Variants in WDR27 observed in about 807,000 individuals in gnomAD.
The protein encoded by WDR27 is WD repeat domain 27.
In WDR27, 100 loss-of-function variants were observed where a neutral mutation model predicts 114.4. The ratio of observed to expected loss-of-function variants is 0.87; its 90% CI spans 0.74 to 1.03. The LOEUF is 1.03. WDR27 is among the 50% of genes least tolerant of loss of function. The pLI, the probability that WDR27 is intolerant of heterozygous loss-of-function variation, is 0.00. For missense variants in WDR27, 1,129 were observed against 1,092.9 expected (o/e 1.03, Z -0.47); for synonymous variants, 449 against 423.1 (o/e 1.06, Z -0.75).
At chr6:169,621,114 T>C (rs1562718521) in intron 21 of WDR27, among the ~76,000 whole-genome samples, 2 of 152,196 alleles carry the variant, frequency 1.3e-5, no homozygotes, top group South Asian at 4.1e-4. Context: ...AATGAATTAA[T>C]TAATAGGCAC....
chr6:169,451,858 C>T, the WDR27 span, among the ~76,000 whole-genome samples: 1 of 152,132 alleles, frequency 6.6e-6, no homozygotes, highest in Non-Finnish European at 1.5e-5. Flanking sequence ...ATATTTTGCT[C>T]ATTTTTTATT....
At chr6:169,634,787 G>A (rs941433128) in intron 19 of WDR27, among the ~76,000 whole-genome samples, 5 of 152,156 alleles carry the variant, frequency 3.3e-5, no homozygotes, top group East Asian at 3.9e-4. Context: ...TCTTCAGCCT[G>A]TAATCAAATG....
At chr6:169,677,436 T>C (rs1202929913) in intron 2 of WDR27, among the ~76,000 whole-genome samples, 1 of 152,216 alleles carries the variant, frequency 6.6e-6, no homozygotes, top group Admixed American at 6.5e-5. Flanking sequence ...CCTGGATGCT[T>C]CTAACAACAT....
rs956136378 is a variant in WDR27, at chr6:169,651,943, C to T, written c.1468G>A (p.Ala490Thr). The change falls in exon 14 of 26, where the codon GCG becomes ACG. Residue 490 changes from alanine to threonine, a missense_variant. Physicochemically the swap from Ala to Thr is moderately conservative, Grantham distance 58. Coordinates refer to ENST00000448612, the MANE Select transcript of WDR27 (RefSeq NM_182552.5). Reference protein sequence around the residue: ...FHSKVRSSGYASAPHVTMFSP... With the variant: ...FHSKVRSSGYTSAPHVTMFSP... ...GAGTTCACTCACTGTGGTGCTGACGCATAACCAGATGACCTAACTTTACTA... is the reference window on the plus strand; with the variant it reads ...GAGTTCACTCACTGTGGTGCTGACGTATAACCAGATGACCTAACTTTACTA... 3 of 1,613,700 alleles carry T rather than the reference C, an allele frequency of 1.9e-6. No homozygotes were observed. The highest frequency in any genetic ancestry group is 2.5e-6 in the Non-Finnish European group (3 of 1,179,850).
chr6:169,519,540 T>C (rs1276566511), intron 25 of WDR27, among the ~76,000 whole-genome samples: 1 of 151,868 alleles, frequency 6.6e-6, no homozygotes, highest in Non-Finnish European at 1.5e-5. Flanking sequence ...AGGTGCCATA[T>C]ACTTAAACAA....
intron 23 of WDR27, among the ~76,000 whole-genome samples, chr6:169,587,865 T>C (rs185278923): frequency 6.6e-6 from 1 of 152,222 alleles, no homozygotes; most frequent in Admixed American, 6.5e-5. Context: ...TTTCTTACAC[T>C]GGATTCATTT....
rs781385723 is a variant in WDR27 at position 169,701,624 on chromosome 6, T to A, written c.-81A>T. 19 of 163,178 alleles carry A rather than the reference T, an allele frequency of 1.2e-4. No individual in the cohort carries two copies. Among genetic ancestry groups the A allele is most frequent in the Non-Finnish European group, 2.1e-4 (16 of 74,560 alleles). 10.1% of individuals were successfully genotyped at this position (163,178 alleles called of 1,614,324 possible). On this transcript the variant is annotated 5_prime_UTR_variant, in exon 1 of 26. Coordinates refer to ENST00000448612, the MANE Select transcript of WDR27 (RefSeq NM_182552.5). ...CGATCTCAAGCGGCCGCCCGGATGC[T>A]CCGGCCCGACTTGTGCCCCGAATTC...
intron 17 of WDR27, among the ~76,000 whole-genome samples, chr6:169,643,021 A>T (rs2128230106): frequency 6.6e-6 from 1 of 152,330 alleles, no homozygotes; most frequent in Middle Eastern, 3.4e-3. Context: ...CAGCACTCAA[A>T]GTGTTCTGGA....
the WDR27 span, among the ~76,000 whole-genome samples, chr6:169,450,581 GC>G: frequency 6.6e-6 from 1 of 152,162 alleles, no homozygotes; most frequent in South Asian, 2.1e-4. Context: ...TGCTCAGGGA[GC>G]CCCCCAGGAT....
intron 6 of WDR27, 133 bp from the exon 7 acceptor site, chr6:169,665,689 T>A: frequency 1.2e-6 from 1 of 865,760 alleles, no homozygotes; most frequent in Non-Finnish European, 1.7e-6. Context: ...GTTTGAACTA[T>A]TCCAAAATAA....
chr6:169,562,510 A>G (rs946304221), intron 25 of WDR27, among the ~76,000 whole-genome samples: 5 of 152,204 alleles, frequency 3.3e-5, no homozygotes, highest in African/African-American at 1.2e-4. Context: ...GGGGGAGTGT[A>G]GAGCACCTAC....
In WDR27 at chr6:169,649,172, C is replaced by A. The variant is rs755760136; in HGVS notation, c.1559+26G>T. The A allele has an allele frequency of 2.6e-6, 4 of 1,550,030 alleles. No individual in the cohort carries two copies. In the Admixed American group the frequency reaches 7.8e-5, roughly 30 times the overall value. On this transcript the variant is annotated intron_variant, in intron 15 of 25. Coordinates refer to ENST00000448612, the MANE Select transcript of WDR27 (RefSeq NM_182552.5). ...AAAGGTCTAGGTTATTTCAAATGTA[C>A]TTGGAATGCACGCTACATCACACAC...
chr6:169,658,254 T>A (rs374985776), intron 13 of WDR27, 22 bp downstream of exon 13: 49 of 1,578,196 alleles, frequency 3.1e-5, no homozygotes, highest in Non-Finnish European at 4.2e-5. Context: ...TATTCTTAGA[T>A]CTCACAGCAC....
chr6:169,627,557 C>T (rs1253789343), intron 21 of WDR27, among the ~76,000 whole-genome samples: 2 of 152,124 alleles, frequency 1.3e-5, no homozygotes, highest in African/African-American at 4.8e-5. Flanking sequence ...GAGCGCCATT[C>T]ACCATGCCTG....
downstream of WDR27, among the ~76,000 whole-genome samples, chr6:169,455,973 TGACA>T (rs1784331523): frequency 6.6e-6 from 1 of 151,872 alleles, no homozygotes; most frequent in African/African-American, 2.4e-5. Context: ...AAGTCACATT[TGACA>T]TTGGAAAAAT....
chr6:169,508,963 T>C (rs1792378434), intron 25 of WDR27, among the ~76,000 whole-genome samples: 1 of 152,166 alleles, frequency 6.6e-6, no homozygotes, highest in East Asian at 1.9e-4. Context: ...AGTCAGGTTT[T>C]ATCGTTGTTG....
In WDR27 at chr6:169,664,196, T is replaced by C. The variant is rs759764239; in HGVS notation, c.874A>G (p.Arg292Gly). 1 of 1,609,582 alleles carries C rather than the reference T, an allele frequency of 6.2e-7. No individual in the cohort carries two copies. The highest frequency in any genetic ancestry group is 8.5e-7 in the Non-Finnish European group (1 of 1,177,606). Residue 292 changes from arginine to glycine, a missense_variant, in exon 8 of 26, where the codon AGG (arginine) becomes GGG (glycine). Arg to Gly is a moderately radical substitution (Grantham distance 125). Coordinates refer to ENST00000448612, the MANE Select transcript of WDR27 (RefSeq NM_182552.5). ...RKKTETFSTR[R>G]VKSGLCSQPE... is the part of the protein sequence containing the mutation. ...TGGCTGCACAGCCCAGACTTAACCC[T>C]TCTTGTGGAGAAAGTCTCTGTCTTC...
intron 25 of WDR27, among the ~76,000 whole-genome samples, chr6:169,485,239 A>T (rs895526973): frequency 3.9e-5 from 6 of 152,350 alleles, no homozygotes; most frequent in African/African-American, 1.4e-4. Context: ...AACCTACAGG[A>T]TAAGATAAAG....
chr6:169,487,348 C>G (rs182621773), intron 25 of WDR27, among the ~76,000 whole-genome samples: 42 of 152,288 alleles, frequency 2.8e-4, no homozygotes, highest in Admixed American at 1.9e-3. Flanking sequence ...TTAATAGCAC[C>G]AGAATCTACC....
Sources: allele counts gnomAD v4.1 joint callset (sites outside exome capture counted in the v4.1 genomes callset), GRCh38; gene constraint gnomAD v4.1.1; transcripts MANE v1.5; gene names NCBI Gene and HGNC (gene_info 2026-07-23, HGNC 2026-07-21).